LAMA5: variants seen among roughly 807,000 people sequenced by gnomAD.
The protein encoded by LAMA5 is laminin subunit alpha 5, also known as laminin subunit alpha-5.
Under a neutral mutation model 433.4 loss-of-function variants are expected in LAMA5, and 260 were observed. The observed-to-expected ratio is 0.60, with a 90% CI of 0.54 to 0.66. The LOEUF (loss-of-function observed/expected upper bound fraction) is 0.66, where lower values mean the gene tolerates loss of function less well. Among genes scored for constraint, LAMA5 ranks in the 30% least tolerant of loss-of-function variants. LAMA5 has a pLI of 0.00. For missense variants in LAMA5, 5,378 were observed against 5,258.5 expected (o/e 1.02, Z -0.70); for synonymous variants, 2,620 against 2,226.6 (o/e 1.18, Z -4.97).
At position 62,325,382 on chromosome 20, in the gene LAMA5, CT is replaced by C. The variant is rs752522476; in HGVS notation, c.5462del (p.Gln1821ArgfsTer80). ...VALEVASPAG[Q>X]GALASNVELC... ...GCTCCACATTGCTGGCCAGGGCCCC[CT>C]GGCCTGCTGGGCTGGCCACCTCCAG... is the stretch of plus-strand genomic sequence containing the variant. On this transcript the variant is annotated frameshift_variant, in exon 41 of 80. Coordinates refer to ENST00000252999, the MANE Select transcript of LAMA5 (RefSeq NM_005560.6). LOFTEE classifies it high-confidence loss of function. 1 of 1,611,014 alleles carries C rather than the reference CT, an allele frequency of 6.2e-7. No individual in the cohort carries two copies. Among genetic ancestry groups the C allele is most frequent in the Admixed American group, 1.7e-5 (1 of 59,844 alleles).
chr20:62,333,945 C>A lies in LAMA5; in HGVS notation c.2834G>T (p.Arg945Leu), dbSNP rs750611195. The A allele has an allele frequency of 6.2e-7, 1 of 1,612,242 alleles. No individual in the cohort carries two copies. Among genetic ancestry groups the A allele is most frequent in the Non-Finnish European group, 8.5e-7 (1 of 1,179,638 alleles). ...VNRGAMSVSG[R>L]VSVREEGRSA... ...CCTGCCCTCCTCTCGCACAGAGACCCGCCCGCTCACACTCATGGCCCCCCG... is the reference window on the plus strand; with the variant it reads ...CCTGCCCTCCTCTCGCACAGAGACCAGCCCGCTCACACTCATGGCCCCCCG... The change falls in exon 23 of 80, where the codon CGG becomes CTG. Residue 945 changes from arginine (R) to leucine (L), a missense_variant. Coordinates refer to ENST00000252999, the MANE Select transcript of LAMA5 (RefSeq NM_005560.6).
intron 41 of LAMA5, 39 bp downstream of exon 41, chr20:62,325,277 G>A (rs1979081831): frequency 7.2e-7 from 1 of 1,391,690 alleles, no homozygotes; most frequent in Non-Finnish European, 9.8e-7. Context: ...GGTGTGCACA[G>A]GTGAGCCGCC....
rs1327678955 is a variant in LAMA5, at chr20:62,351,942, C to T, written c.825G>A (p.Gly275=). 2 of 1,611,432 alleles carry T rather than the reference C, an allele frequency of 1.2e-6. No individual in the cohort carries two copies. The change falls in exon 5 of 80, where the codon GGG becomes GGA. Residue 275 remains glycine, a synonymous_variant. Coordinates refer to ENST00000252999, the MANE Select transcript of LAMA5 (RefSeq NM_005560.6). ...TGACCGTGGGGTCCCGCAGCGCCTT[C>T]CCCATGAGATGGCCCAGCAGCGTGT... The part of the protein sequence containing the change: ...RTNTLLGHLM[G]KALRDPTVTR...
At chr20:62,366,113 T>G (rs1601445184) in intron 1 of LAMA5, among the ~76,000 whole-genome samples, 1 of 151,978 alleles carries the variant, frequency 6.6e-6, no homozygotes, top group Non-Finnish European at 1.5e-5. Context: ...GGGGCTGAGG[T>G]GGGGAATGGG....
intron 46 of LAMA5, 58 bp downstream of exon 46, chr20:62,322,600 G>C: frequency 6.9e-6 from 10 of 1,446,670 alleles, no homozygotes; most frequent in Non-Finnish European, 9.4e-6. Flanking sequence ...TTCTCCCCAG[G>C]CCCCAACTCT....
rs1568901250 is a variant in LAMA5, at chr20:62,315,051, G to C, written c.8024C>G (p.Ala2675Gly). The change falls in exon 59 of 80, where the codon GCA becomes GGA. Residue 2675 changes from alanine (A) to glycine (G), a missense_variant. Coordinates refer to ENST00000252999, the MANE Select transcript of LAMA5 (RefSeq NM_005560.6). ...ACCTGAGTGGCCTGCGTCAAGCACT[G>C]CCTGGCCCAGGTCCTGGCCCCGCAG... is the stretch of plus-strand genomic sequence containing the variant. ...EGLRGQDLGQAVLDAGHSVST... is the reference protein window; with the variant it reads ...EGLRGQDLGQGVLDAGHSVST... 1.3e-6 allele frequency: 2 copies of C among 1,598,004 alleles called. No individual in the cohort carries two copies.
Position 62,334,898 on chromosome 20 carries a change from C to G in LAMA5, c.2482+123G>C, listed in dbSNP as rs555734650. 9 of 901,480 alleles carry G rather than the reference C, an allele frequency of 1.0e-5. No individual in the cohort carries two copies. In the South Asian group the frequency reaches 1.4e-4, roughly 14 times the overall value. 55.8% of individuals were successfully genotyped at this position (901,480 alleles called of 1,614,324 possible). Reference sequence around the variant, plus strand: ...CCTGGCACAGGCTGGCACCAAGGGGCAGCCATCCATCACCCGGGCTTCATG... The same window carrying G: ...CCTGGCACAGGCTGGCACCAAGGGGGAGCCATCCATCACCCGGGCTTCATG... On this transcript the variant is annotated intron_variant, in intron 20 of 79. Transcript: ENST00000252999.
At chr20:62,319,207 G>A (rs1483088636) in intron 51 of LAMA5, 194 bp from the exon 52 acceptor site, 1 of 594,658 alleles carries the variant, frequency 1.7e-6, no homozygotes, top group Non-Finnish European at 3.0e-6. Context: ...CTCACCTCCT[G>A]CAGTGCCTCC....
chr20:62,314,974 TG>T, intron 59 of LAMA5, 27 bp from the exon 60 acceptor site: 1 of 1,580,340 alleles, frequency 6.3e-7, no homozygotes, highest in Non-Finnish European at 8.6e-7. Context: ...CTGAGACCTT[TG>T]CCCCCCACCG....
rs1473215219 is a variant in LAMA5 at position 62,312,710 on chromosome 20, C to A, written c.9149G>T (p.Ser3050Ile). The A allele has an allele frequency of 1.2e-6, 2 of 1,603,146 alleles. No homozygotes were observed. The highest frequency in any genetic ancestry group is 1.3e-5 in the African/African-American group (1 of 74,610). The change falls in exon 67 of 80, where the codon AGC becomes ATC. Residue 3050 changes from serine to isoleucine, a missense_variant. Physicochemically the swap from Ser to Ile is moderately radical, Grantham distance 142. Coordinates refer to ENST00000252999, the MANE Select transcript of LAMA5 (RefSeq NM_005560.6). Reference protein sequence around the residue: ...LVRVERATVYSVEQDNDLELA... With the variant: ...LVRVERATVYIVEQDNDLELA... ...CTCCAGATCATTGTCCTGCTCCACG[C>A]TGTACACCGTGGCCCGCTCCACACG... is the stretch of plus-strand genomic sequence containing the variant.
At chr20:62,322,629 AC>A in intron 46 of LAMA5, 28 bp downstream of exon 46, 1 of 637,300 alleles carries the variant, frequency 1.6e-6, no homozygotes, top group Non-Finnish European at 2.5e-6. Flanking sequence ...GGCCCCACCC[AC>A]CCAGCCCTGC....
Position 62,318,522 on chromosome 20 carries a change from C to G in LAMA5, c.7171G>C (p.Ala2391Pro), listed in dbSNP as rs1987301093. 6.2e-7 allele frequency: 1 copy of G among 1,609,588 alleles called. No homozygotes were observed. Among genetic ancestry groups the G allele is most frequent in the African/African-American group, 1.3e-5 (1 of 74,700 alleles). Residue 2391 changes from alanine (A) to proline (P), a missense_variant, in exon 53 of 80, where the codon GCA (alanine) becomes CCA (proline). Ala to Pro is a conservative substitution (Grantham distance 27, BLOSUM62 -1). Coordinates refer to ENST00000252999, the MANE Select transcript of LAMA5 (RefSeq NM_005560.6). ...LMDLREALNR[A>P]VDATREAQEL... ...TGGGCCTCCCGTGTGGCGTCCACTG[C>G]CCGGTTCAAAGCCTCTCGCAGGTCC...
chr20:62,343,015 T>C (rs796324493), intron 11 of LAMA5, among the ~76,000 whole-genome samples: 10 of 152,316 alleles, frequency 6.6e-5, no homozygotes, highest in African/African-American at 2.4e-4. Context: ...AAAGATAAAT[T>C]GTCAGTTTAC....
In LAMA5 at chr20:62,332,392, C is replaced by T. The variant is rs374668224; in HGVS notation, c.3532G>A (p.Glu1178Lys). The change falls in exon 28 of 80, where the codon GAA becomes AAA. Residue 1178 changes from glutamate (E) to lysine (K), a missense_variant. Glu to Lys is a moderately conservative substitution (Grantham distance 56). Coordinates refer to ENST00000252999, the MANE Select transcript of LAMA5 (RefSeq NM_005560.6). ...DSEASVRLTA[E>K]QARFFLHGVT... Reference sequence around the variant, plus strand: ...CTTACCAGGAAGAAGCGTGCCTGTTCGGCTGTGAGCCTCACGCTGGCCTCC... The same window carrying T: ...CTTACCAGGAAGAAGCGTGCCTGTTTGGCTGTGAGCCTCACGCTGGCCTCC... The T allele has an allele frequency of 3.2e-5, 51 of 1,612,378 alleles. 1 individual carries two copies. The highest frequency in any genetic ancestry group is 2.5e-4 in the African/African-American group (19 of 75,054).
intron 18 of LAMA5, 147 bp downstream of exon 18, chr20:62,336,193 A>C: frequency 7.2e-6 from 4 of 555,210 alleles, no homozygotes; most frequent in African/African-American, 4.2e-5. Flanking sequence ...TCCCCGAGGA[A>C]CCCCATATCC....
Position 62,311,073 on chromosome 20 carries a change from G to A in LAMA5, c.10110C>T (p.Val3370=), listed in dbSNP as rs763447505. 1.6e-5 allele frequency: 25 copies of A among 1,590,636 alleles called. No homozygotes were observed. The Admixed American group carries it at 3.1e-4, about 20-fold the overall frequency. Residue 3370 remains valine, a synonymous_variant, in exon 74 of 80, where the codon GTC becomes GTT. Transcript: ENST00000252999. ...HRNWPSLSMH[V]LPRSSRGLLL... ...GGAGGCCTCGGGAGCTTCGCGGGAGGACGTGCATGGAGAGACTGGGCCTGG... is the reference window on the plus strand; with the variant it reads ...GGAGGCCTCGGGAGCTTCGCGGGAGAACGTGCATGGAGAGACTGGGCCTGG...
In LAMA5 at chr20:62,310,588, G is replaced by C; in HGVS notation, c.10447-16C>G. ...CGACGGTCACCTATAGGAGCAGACC[G>C]GGCAGGGATCAGGGCCCAGGGCAGC... On this transcript the variant is annotated splice_polypyrimidine_tract_variant and intron_variant, in intron 75 of 79. Coordinates refer to ENST00000252999, the MANE Select transcript of LAMA5 (RefSeq NM_005560.6). The C allele has an allele frequency of 6.4e-7, 1 of 1,566,900 alleles. No homozygotes were observed. The highest frequency in any genetic ancestry group is 8.6e-7 in the Non-Finnish European group (1 of 1,160,766).
chr20:62,363,227 C>T (rs760461419), intron 1 of LAMA5, among the ~76,000 whole-genome samples: 2 of 152,182 alleles, frequency 1.3e-5, no homozygotes, highest in Admixed American at 6.5e-5. Context: ...CTGTGGGGAC[C>T]GGCCCCAGAG....
At chr20:62,315,577 G>T (rs1310569378) in intron 58 of LAMA5, among the ~76,000 whole-genome samples, 5 of 152,110 alleles carry the variant, frequency 3.3e-5, no homozygotes, top group Non-Finnish European at 7.4e-5. Context: ...CTCAGGGTGG[G>T]AGCCCTGGTC....
Sources: allele counts gnomAD v4.1 joint callset (sites outside exome capture counted in the v4.1 genomes callset), GRCh38; gene constraint gnomAD v4.1.1; transcripts MANE v1.5; gene names NCBI Gene and HGNC (gene_info 2026-07-23, HGNC 2026-07-21).